TRPC7: variants seen among roughly 807,000 people sequenced by gnomAD.
The protein encoded by TRPC7 is short transient receptor potential channel 7.
In TRPC7, 42 loss-of-function variants were observed where a neutral mutation model predicts 90.1. That is an observed-to-expected ratio of 0.47 (90% confidence interval 0.36 to 0.60). The LOEUF is 0.60. Ranked by LOEUF, TRPC7 falls within the 20% of genes least tolerant of loss-of-function variation. TRPC7 has a pLI of 0.00. For missense variants in TRPC7, 955 were observed against 1,112.3 expected (o/e 0.86, Z 2.01); for synonymous variants, 451 against 436.3 (o/e 1.03, Z -0.42).
chr5:136,315,732 G>T lies in TRPC7; in HGVS notation c.828C>A (p.Gly276=), dbSNP rs190572796. Residue 276 remains glycine, a synonymous_variant, in exon 3 of 12, where the codon GGC becomes GGA. Transcript: ENST00000513104. The part of the protein sequence containing the change: ...LSMQCKDFVV[G]VLDLCRDTEE... ...CTGTGTCTCGGCACAGGTCCAGCAC[G>T]CCCACTACAAAATCCTTGCATTGCA... is the stretch of plus-strand genomic sequence containing the variant. 22 of 1,613,858 alleles carry T rather than the reference G, an allele frequency of 1.4e-5. No individual in the cohort carries two copies. Among genetic ancestry groups the T allele is most frequent in the Non-Finnish European group, 1.8e-5 (21 of 1,179,928 alleles).
chr5:136,215,202 G>A (rs756324821), intron 11 of TRPC7, among the ~76,000 whole-genome samples: 1 of 152,002 alleles, frequency 6.6e-6, no homozygotes, highest in Non-Finnish European at 1.5e-5. Context: ...AGCAAGCGGC[G>A]GCAGACCCTA....
chr5:136,246,401 C>T lies in TRPC7; in HGVS notation c.1844+1070G>A, dbSNP rs116953548. 6.1e-4 allele frequency among the ~76,000 whole-genome samples: 93 copies of T among 152,316 alleles called. No individual in the cohort carries two copies. The East Asian group carries it at 0.01, about 16-fold the overall frequency. The stretch of plus-strand genomic sequence containing the variant: ...TTCCCTGGAAGTGTAGGTGAGTTAA[C>T]GTCCTATGGAGTGACTAATGAGAGA... On this transcript the variant is annotated intron_variant, in intron 7 of 11. Coordinates refer to ENST00000513104, the MANE Select transcript of TRPC7 (RefSeq NM_020389.3).
Position 136,315,579 on chromosome 5 carries a change from A to G in TRPC7, c.963+18T>C. On this transcript the variant is annotated intron_variant, in intron 3 of 11. Coordinates refer to ENST00000513104, the MANE Select transcript of TRPC7 (RefSeq NM_020389.3). ...AGAGAGGTGAGATGGGAAGACCAGGAGAGATGGGGGAGCTTACCTTCTTGA... is the reference window on the plus strand; with the variant it reads ...AGAGAGGTGAGATGGGAAGACCAGGGGAGATGGGGGAGCTTACCTTCTTGA... The G allele has an allele frequency of 6.2e-7, 1 of 1,612,488 alleles. No homozygotes were observed. The highest frequency in any genetic ancestry group is 1.3e-5 in the African/African-American group (1 of 75,006).
At chr5:136,269,728 T>C (rs1022398714) in intron 4 of TRPC7, among the ~76,000 whole-genome samples, 4 of 152,162 alleles carry the variant, frequency 2.6e-5, no homozygotes, top group African/African-American at 7.2e-5. Context: ...TCTCAAATGT[T>C]AGCGAGATCC....
At position 136,293,149 on chromosome 5, in the gene TRPC7, T is replaced by C. The variant is rs529094674; in HGVS notation, c.964-18312A>G. Among the ~76,000 whole-genome samples, 7 of 152,174 alleles carry C rather than the reference T, an allele frequency of 4.6e-5. No individual in the cohort carries two copies. In the East Asian group the frequency reaches 1.4e-3, roughly 29 times the overall value. ...GGTATTGATGGGACATATCTCAAAATCATAAGAGCTATGACAAACCCACAG... is the reference window on the plus strand; with the variant it reads ...GGTATTGATGGGACATATCTCAAAACCATAAGAGCTATGACAAACCCACAG... On this transcript the variant is annotated intron_variant, in intron 3 of 11. Coordinates refer to ENST00000513104, the MANE Select transcript of TRPC7 (RefSeq NM_020389.3).
intron 3 of TRPC7, among the ~76,000 whole-genome samples, chr5:136,285,945 T>C (rs142868611): frequency 2.4e-4 from 37 of 152,338 alleles, no homozygotes; most frequent in African/African-American, 8.2e-4. Context: ...CCTCTAACCC[T>C]GCTTTCTTAT....
chr5:136,239,404 C>A (rs1756086104), intron 7 of TRPC7, among the ~76,000 whole-genome samples: 1 of 152,200 alleles, frequency 6.6e-6, no homozygotes, highest in Non-Finnish European at 1.5e-5. Flanking sequence ...TATTTCAACA[C>A]CGACCCAGGA....
chr5:136,260,179 C>G (rs929472843), intron 5 of TRPC7, among the ~76,000 whole-genome samples: 1 of 152,144 alleles, frequency 6.6e-6, no homozygotes, highest in African/African-American at 2.4e-5. Context: ...ACCAGATGGC[C>G]ATGTGGAGAG....
chr5:136,253,477 T>A (rs1341462347), intron 5 of TRPC7, among the ~76,000 whole-genome samples: 1 of 152,230 alleles, frequency 6.6e-6, no homozygotes, highest in Non-Finnish European at 1.5e-5. Context: ...GGTCTCTATG[T>A]CATATTTTGG....
chr5:136,246,246 C>A (rs1756333049), intron 7 of TRPC7, among the ~76,000 whole-genome samples: 2 of 152,220 alleles, frequency 1.3e-5, no homozygotes, highest in South Asian at 4.1e-4. Flanking sequence ...TGCAGAGGCA[C>A]ATGATGCTGC....
At chr5:136,322,229 G>T (rs745677258) in intron 2 of TRPC7, among the ~76,000 whole-genome samples, 1 of 152,064 alleles carries the variant, frequency 6.6e-6, no homozygotes, top group South Asian at 2.1e-4. Flanking sequence ...TGGTCAGGCT[G>T]GTCTTGAACT....
intron 6 of TRPC7, 22 bp downstream of exon 6, chr5:136,251,627 G>T (rs539115857): frequency 1.9e-6 from 3 of 1,563,822 alleles, no homozygotes; most frequent in African/African-American, 2.7e-5. Context: ...AAATGGAGTA[G>T]GGGAAGCACT....
chr5:136,342,603 T>C (rs1418106351), intron 2 of TRPC7, among the ~76,000 whole-genome samples: 1 of 152,104 alleles, frequency 6.6e-6, no homozygotes, highest in Non-Finnish European at 1.5e-5. Context: ...CCTCATCTTA[T>C]ATTAGGCTGC....
At chr5:136,352,212 G>A (rs1476185613) in intron 2 of TRPC7, among the ~76,000 whole-genome samples, 2 of 152,082 alleles carry the variant, frequency 1.3e-5, no homozygotes, top group South Asian at 2.1e-4. Flanking sequence ...ACCCCATACT[G>A]CTTTCTCTTT....
At chr5:136,356,390 C>A (rs1352049294) in intron 2 of TRPC7, among the ~76,000 whole-genome samples, 1 of 152,224 alleles carries the variant, frequency 6.6e-6, no homozygotes, top group Non-Finnish European at 1.5e-5. Flanking sequence ...TCACTTCTTA[C>A]CGCATTCATG....
At chr5:136,266,121 A>T (rs2149812119) in intron 5 of TRPC7, 99 bp downstream of exon 5, 3 of 1,065,142 alleles carry the variant, frequency 2.8e-6, no homozygotes, top group Non-Finnish European at 4.3e-6. Flanking sequence ...GTCTATCAGG[A>T]GTACACTGAA....
At chr5:136,235,645 TG>T (rs1435264239) in intron 7 of TRPC7, among the ~76,000 whole-genome samples, 1 of 152,032 alleles carries the variant, frequency 6.6e-6, no homozygotes, top group Non-Finnish European at 1.5e-5. Flanking sequence ...TTGGGAGAAA[TG>T]GGGCTGGCTT....
At chr5:136,263,444 A>G (rs1387424285) in intron 5 of TRPC7, among the ~76,000 whole-genome samples, 1 of 152,212 alleles carries the variant, frequency 6.6e-6, no homozygotes, top group African/African-American at 2.4e-5. Flanking sequence ...ACATTTCAAG[A>G]TGCAGGAAAA....
At position 136,212,763 on chromosome 5, in the gene TRPC7, A is replaced by C. The variant is rs778406252; in HGVS notation, c.*672T>G. On this transcript the variant is annotated 3_prime_UTR_variant, in exon 12 of 12. Coordinates refer to ENST00000513104, the MANE Select transcript of TRPC7 (RefSeq NM_020389.3). ...ACAGAAGTTATTATGAGGTAATTTT[A>C]TTTCTTTCCATTTTAGGTAAAAATA... is the stretch of plus-strand genomic sequence containing the variant. Among the ~76,000 whole-genome samples the C allele has an allele frequency of 6.6e-6, 1 of 152,166 alleles. No individual in the cohort carries two copies. The highest frequency in any genetic ancestry group is 1.5e-5 in the Non-Finnish European group (1 of 68,020).
Sources: allele counts gnomAD v4.1 joint callset (sites outside exome capture counted in the v4.1 genomes callset), GRCh38; gene constraint gnomAD v4.1.1; transcripts MANE v1.5; gene names NCBI Gene and HGNC (gene_info 2026-07-23, HGNC 2026-07-21).